NAMPT: variants seen among roughly 807,000 people sequenced by gnomAD.
The protein encoded by NAMPT is nicotinamide phosphoribosyltransferase, also known as NAmPRTase.
NAMPT carries 7 observed loss-of-function variants against 58.7 expected under a neutral mutation model. The observed-to-expected ratio is 0.12, with a 90% CI of 0.07 to 0.22. The LOEUF (loss-of-function observed/expected upper bound fraction) is 0.22, where lower values mean the gene tolerates loss of function less well. NAMPT is among the 10% of genes least tolerant of loss of function. The pLI is 1.00. For synonymous variants in NAMPT, 145 were observed against 198.1 expected (o/e 0.73, Z 2.25); for missense variants, 271 against 567.9 (o/e 0.48, Z 5.31).
intron 8 of NAMPT, among the ~76,000 whole-genome samples, chr7:106,256,987 C>T (rs963350852): frequency 6.6e-6 from 1 of 151,974 alleles, no homozygotes. Flanking sequence ...ACCAGCCTGG[C>T]TAACATGGTG....
At chr7:106,265,269 C>T (rs534526285) in intron 6 of NAMPT, among the ~76,000 whole-genome samples, 4 of 152,228 alleles carry the variant, frequency 2.6e-5, no homozygotes, top group South Asian at 2.1e-4. Context: ...CTACTTATAA[C>T]GTTGTATCAG....
rs570752174 is a variant in NAMPT, at chr7:106,284,018, G to C, written c.57+810C>G. On this transcript the variant is annotated intron_variant, in intron 1 of 10. Transcript: ENST00000222553. ...ACAAGTGTTCAATGGGCATGTGAAC[G>C]CAACGCTGTGCCATTTCCCTCTCCA... 9.8e-5 allele frequency among the ~76,000 whole-genome samples: 15 copies of C among 152,298 alleles called. 1 individual carries two copies. The South Asian group carries it at 2.9e-3, about 29-fold the overall frequency.
intron 10 of NAMPT, 70 bp from the exon 11 acceptor site, chr7:106,251,263 T>G: frequency 1.0e-6 from 1 of 987,650 alleles, no homozygotes; most frequent in South Asian, 1.3e-5. Context: ...GTTTGATGAA[T>G]TAGACTAACC....
intron 8 of NAMPT, among the ~76,000 whole-genome samples, chr7:106,258,215 C>T (rs1283575413): frequency 1.3e-5 from 2 of 152,214 alleles, no homozygotes; most frequent in African/African-American, 2.4e-5. Context: ...TCTGTTATTA[C>T]AAGAGATCTA....
rs549973097 is a variant in NAMPT at position 106,257,698 on chromosome 7, C to T, written c.1090-3194G>A. Among the ~76,000 whole-genome samples, 272 of 152,106 alleles carry T rather than the reference C, an allele frequency of 1.8e-3. 2 individuals carry two copies. The highest frequency in any genetic ancestry group is 2.5e-3 in the Non-Finnish European group (169 of 68,006). On this transcript the variant is annotated intron_variant, in intron 8 of 10. Transcript: ENST00000222553. ...GGAAAGAAAAGAAGGAAAAGAAAGC[C>T]GAAGAGCTTTGATTTTTGAAAGGAA... is the stretch of plus-strand genomic sequence containing the variant.
At chr7:106,257,728 T>C (rs1435500227) in intron 8 of NAMPT, among the ~76,000 whole-genome samples, 1 of 152,192 alleles carries the variant, frequency 6.6e-6, no homozygotes, top group African/African-American at 2.4e-5. Flanking sequence ...AAGGAAAGTT[T>C]TGAGTACCTG....
At chr7:106,277,739 T>A (rs1002908210) in intron 1 of NAMPT, among the ~76,000 whole-genome samples, 3 of 152,116 alleles carry the variant, frequency 2.0e-5, no homozygotes, top group Admixed American at 2.0e-4. Flanking sequence ...TGTTTTGTAA[T>A]CTCCCTTTGT....
chr7:106,274,834 GAC>G, intron 3 of NAMPT, 110 bp downstream of exon 3: 2 of 675,240 alleles, frequency 3.0e-6, no homozygotes, highest in South Asian at 3.6e-5. Context: ...CAGCCTGGGT[GAC>G]AGAGTGACAC....
At chr7:106,256,941 C>T (rs1258602670) in intron 8 of NAMPT, among the ~76,000 whole-genome samples, 4 of 151,934 alleles carry the variant, frequency 2.6e-5, no homozygotes, top group African/African-American at 7.3e-5. Context: ...TTTGGGAGGC[C>T]GAGGCAGGCA....
intron 4 of NAMPT, among the ~76,000 whole-genome samples, chr7:106,269,805 T>C (rs1395326298): frequency 6.6e-6 from 1 of 152,198 alleles, no homozygotes; most frequent in Non-Finnish European, 1.5e-5. Flanking sequence ...GCATTTTGAC[T>C]AGTATTGGTT....
intron 1 of NAMPT, among the ~76,000 whole-genome samples, chr7:106,283,834 G>C (rs1015316684): frequency 1.3e-5 from 2 of 152,004 alleles, no homozygotes; most frequent in Non-Finnish European, 2.9e-5. Context: ...TCGGAGGAGG[G>C]CTAAAAACAA....
At chr7:106,274,746 T>G (rs41276169) in intron 3 of NAMPT, among the ~76,000 whole-genome samples, 200 bp downstream of exon 3, 6,706 of 152,164 alleles carry the variant, frequency 0.044, 187 homozygotes, top group Middle Eastern at 0.13. Flanking sequence ...TCCCAGCTAC[T>G]AAGGAGGCTA....
chr7:106,267,623 C>T (rs185075700), intron 6 of NAMPT, among the ~76,000 whole-genome samples: 101 of 151,752 alleles, frequency 6.7e-4, no homozygotes, highest in Admixed American at 1.2e-3. Flanking sequence ...AGGCGGATCA[C>T]GAGGTCAGGA....
upstream of NAMPT, chr7:106,285,308 G>C (rs921196767): frequency 5.4e-5 from 30 of 552,708 alleles, no homozygotes; most frequent in Admixed American, 6.2e-5. Context: ...CGCGTGACCC[G>C]GGCGCTTACC....
In NAMPT at chr7:106,254,584, G is replaced by A. The variant is rs1308839796; in HGVS notation, c.1090-80C>T. 41 of 1,446,514 alleles carry A rather than the reference G, an allele frequency of 2.8e-5. 1 individual carries two copies. The Middle Eastern group carries it at 5.3e-4, about 19-fold the overall frequency. 89.6% of individuals were successfully genotyped at this position (1,446,514 alleles called of 1,614,324 possible). A position where few individuals can be genotyped will look rare whatever the true frequency, so the allele number is the denominator to read the frequency against. ...GAGATTATTTTCAAGGGACAATATT[G>A]ATGAATGAAGCATCCAAGACTGTTT... On this transcript the variant is annotated intron_variant, in intron 8 of 10. Coordinates refer to ENST00000222553, the MANE Select transcript of NAMPT (RefSeq NM_005746.3).
chr7:106,276,926 G>A (rs1480021765), intron 2 of NAMPT, 97 bp downstream of exon 2: 5 of 909,020 alleles, frequency 5.5e-6, no homozygotes, highest in African/African-American at 1.7e-5. Context: ...ATGATTTAAT[G>A]CATCCAAATT....
chr7:106,277,111 C>T lies in NAMPT; in HGVS notation c.126G>A (p.Lys42=). 3 of 1,609,942 alleles carry T rather than the reference C, an allele frequency of 1.9e-6. No individual in the cohort carries two copies. ...TCCTTAATTTGGAGTTTTCTGTCTT[C>T]TTTTCACGGCATTCAAAGTAGGAAT... ...KVYSYFECRE[K]KTENSKLRKV... The change falls in exon 2 of 11, where the codon AAG becomes AAA. Residue 42 remains lysine, a synonymous_variant. Transcript: ENST00000222553.
chr7:106,259,598 T>G (rs569915692), intron 8 of NAMPT, among the ~76,000 whole-genome samples: 1 of 152,132 alleles, frequency 6.6e-6, no homozygotes, highest in Non-Finnish European at 1.5e-5. Context: ...CTAATTTTTG[T>G]ATTTTTAGTA....
At chr7:106,283,202 A>C (rs1469933780) in intron 1 of NAMPT, among the ~76,000 whole-genome samples, 1 of 152,216 alleles carries the variant, frequency 6.6e-6, no homozygotes, top group Non-Finnish European at 1.5e-5. Flanking sequence ...GAAAGTTGAC[A>C]GAAGTAAAAT....
Sources: gnomAD v4.1 joint callset for allele counts (sites outside exome capture counted in the v4.1 genomes callset) on GRCh38, gnomAD v4.1.1 for gene constraint, MANE v1.5 for transcripts, NCBI Gene and HGNC (gene_info 2026-07-23, HGNC 2026-07-21) for gene names.